The following FBXO4 variants were observed in gnomAD, a reference collection of about 807,000 sequenced individuals.
The protein encoded by FBXO4 is F-box only protein 4.
In FBXO4, 36 loss-of-function variants were observed where a neutral mutation model predicts 43.7. The observed-to-expected ratio is 0.82, with a 90% CI of 0.63 to 1.09. FBXO4 has a LOEUF of 1.09. Among genes scored for constraint, FBXO4 ranks in the 50% least tolerant of loss-of-function variants. The pLI, the probability that FBXO4 is intolerant of heterozygous loss-of-function variation, is 0.00. For synonymous variants in FBXO4, 180 were observed against 165.6 expected, an observed-to-expected ratio of 1.09 and a Z score of -0.67; for missense variants, 435 against 474.1, an observed-to-expected ratio of 0.92 and a Z score of 0.77.
the FBXO4 span, among the ~76,000 whole-genome samples, chr5:41,965,541 G>A: frequency 1.3e-5 from 2 of 152,048 alleles, no homozygotes; most frequent in Non-Finnish European, 2.9e-5. Context: ...CCATTTGTTT[G>A]TATCCTCTTT....
Position 41,934,214 on chromosome 5 carries a change from A to G in FBXO4, c.804A>G (p.Gln268=). 1.2e-6 allele frequency: 2 copies of G among 1,614,164 alleles called. No individual in the cohort carries two copies. Among genetic ancestry groups the G allele is most frequent in the South Asian group, 1.1e-5 (1 of 91,090 alleles). ...MFSRHNEGDD[Q]QGSRYSVIPQ... is the part of the protein sequence containing the mutation. ...GTCGACACAATGAAGGTGATGATCA[A>G]CAAGGAAGCCGGTACAGTGTGATTC... The change falls in exon 5 of 7, where the codon CAA becomes CAG. Residue 268 remains glutamine, a synonymous_variant. Coordinates refer to ENST00000281623, the MANE Select transcript of FBXO4 (RefSeq NM_012176.3).
At chr5:42,025,026 C>A in the FBXO4 span, among the ~76,000 whole-genome samples, 1 of 151,988 alleles carries the variant, frequency 6.6e-6, no homozygotes, top group Non-Finnish European at 1.5e-5. Context: ...GTGCAGATAT[C>A]TCTTCAATAT....
the FBXO4 span, among the ~76,000 whole-genome samples, chr5:42,015,230 G>A: frequency 6.6e-5 from 10 of 152,160 alleles, no homozygotes; most frequent in African/African-American, 2.4e-4. Context: ...TGTTTTGTTG[G>A]TCTAAGATCC....
At chr5:41,960,250 T>C in the FBXO4 span, among the ~76,000 whole-genome samples, 1 of 152,136 alleles carries the variant, frequency 6.6e-6, no homozygotes, top group Non-Finnish European at 1.5e-5. Flanking sequence ...TTAACAGTTT[T>C]TTTTGGCAGA....
At chr5:41,939,031 G>T (rs1202944030) in intron 5 of FBXO4, among the ~76,000 whole-genome samples, 1 of 152,174 alleles carries the variant, frequency 6.6e-6, no homozygotes, top group Non-Finnish European at 1.5e-5. Flanking sequence ...TTATTTGTAG[G>T]TTCTTCAGAC....
chr5:41,958,956 T>C, the FBXO4 span, among the ~76,000 whole-genome samples: 1 of 152,212 alleles, frequency 6.6e-6, no homozygotes, highest in East Asian at 1.9e-4. Flanking sequence ...TATTTTTATA[T>C]TTTTAAGGAA....
chr5:42,019,233 T>C, the FBXO4 span, among the ~76,000 whole-genome samples: 1 of 152,138 alleles, frequency 6.6e-6, no homozygotes, highest in Non-Finnish European at 1.5e-5. Context: ...AAATATAAAA[T>C]ACATACTGAA....
the FBXO4 span, among the ~76,000 whole-genome samples, chr5:42,014,364 G>C: frequency 0.026 from 3,885 of 152,250 alleles, 178 homozygotes; most frequent in African/African-American, 0.087. Context: ...TGGGAAATGT[G>C]AGTAGACATT....
chr5:41,931,015 C>G (rs1326953185), intron 3 of FBXO4, among the ~76,000 whole-genome samples: 6 of 152,152 alleles, frequency 3.9e-5, no homozygotes, highest in Non-Finnish European at 5.9e-5. Flanking sequence ...TGAAGTATCA[C>G]TGTGTATCTA....
At chr5:42,018,793 G>T in the FBXO4 span, among the ~76,000 whole-genome samples, 3 of 151,970 alleles carry the variant, frequency 2.0e-5, no homozygotes. Context: ...ACTGTTGATC[G>T]GTGGCACAAT....
chr5:42,025,451 C>T, the FBXO4 span, among the ~76,000 whole-genome samples: 16 of 152,012 alleles, frequency 1.1e-4, no homozygotes, highest in South Asian at 8.3e-4. Flanking sequence ...AATCCCTTGT[C>T]GGATGGGTAA....
At chr5:42,009,773 A>G in the FBXO4 span, among the ~76,000 whole-genome samples, 1 of 152,206 alleles carries the variant, frequency 6.6e-6, no homozygotes, top group South Asian at 2.1e-4. Context: ...TAAATTAAAT[A>G]ACATCAATTT....
At chr5:42,039,034 A>G in the FBXO4 span, among the ~76,000 whole-genome samples, 2 of 152,120 alleles carry the variant, frequency 1.3e-5, no homozygotes, top group African/African-American at 4.8e-5. Context: ...ATCCATAGTT[A>G]CATATTATTC....
At chr5:42,036,127 C>T in the FBXO4 span, among the ~76,000 whole-genome samples, 31 of 152,166 alleles carry the variant, frequency 2.0e-4, no homozygotes, top group Non-Finnish European at 4.0e-4. Context: ...TTGAGAACCA[C>T]TGGGGTAGAA....
At chr5:42,005,780 C>CA in the FBXO4 span, among the ~76,000 whole-genome samples, 18 of 152,168 alleles carry the variant, frequency 1.2e-4, 1 homozygote, top group African/African-American at 4.3e-4. Context: ...CTTTTAAACT[C>CA]ATTTCTATTT....
chr5:42,013,666 G>A, the FBXO4 span, among the ~76,000 whole-genome samples: 4 of 152,108 alleles, frequency 2.6e-5, no homozygotes, highest in Non-Finnish European at 4.4e-5. Flanking sequence ...AACTGCACAC[G>A]CTTAAGCGCT....
the FBXO4 span, chr5:41,967,213 C>A: frequency 2.0e-6 from 1 of 490,800 alleles, no homozygotes; most frequent in Non-Finnish European, 4.1e-6. Flanking sequence ...TTTTTTGTGG[C>A]AATTATGGTA....
chr5:41,933,958 G>A lies in FBXO4; in HGVS notation c.659G>A (p.Gly220Glu), dbSNP rs1751771829. The A allele has an allele frequency of 8.1e-6, 13 of 1,612,616 alleles. No homozygotes were observed. Among genetic ancestry groups the A allele is most frequent in the Non-Finnish European group, 9.3e-6 (11 of 1,179,468 alleles). ...TTTTCTTTCTTAGGTATTGGATCAG[G>A]AGTCAATTTTCAGTTGAACAACCAA... ...PQRQIDGIGSGVNFQLNNQHK... is the reference protein window; with the variant it reads ...PQRQIDGIGSEVNFQLNNQHK... The change falls in exon 4 of 7, where the codon GGA becomes GAA. Residue 220 changes from glycine to glutamate, a missense_variant. Transcript: ENST00000281623.
At chr5:41,951,954 C>T in the FBXO4 span, 1 of 325,420 alleles carries the variant, frequency 3.1e-6, no homozygotes, top group South Asian at 3.4e-5. Flanking sequence ...GTCAGTATTC[C>T]TGGAGGATAT....
Sources: gnomAD v4.1 joint callset for allele counts (sites outside exome capture counted in the v4.1 genomes callset) on GRCh38, gnomAD v4.1.1 for gene constraint, MANE v1.5 for transcripts, NCBI Gene and HGNC (gene_info 2026-07-23, HGNC 2026-07-21) for gene names.